ATRNL1: variants seen among roughly 807,000 people sequenced by gnomAD.
The protein encoded by ATRNL1 is attractin-like protein 1.
ATRNL1 carries 95 observed loss-of-function variants against 182.7 expected under a neutral mutation model. The ratio of observed to expected loss-of-function variants is 0.52; its 90% CI spans 0.44 to 0.62. The LOEUF is 0.62. Ranked by LOEUF, ATRNL1 falls within the 20% of genes least tolerant of loss-of-function variation. ATRNL1 has a pLI of 0.00. For synonymous variants in ATRNL1, 576 were observed against 568.3 expected, an observed-to-expected ratio of 1.01 and a Z score of -0.19; for missense variants, 1,471 against 1,679.5, an observed-to-expected ratio of 0.88 and a Z score of 2.17.
At chr10:115,667,461 C>T (rs1861066611) in intron 26 of ATRNL1, among the ~76,000 whole-genome samples, 1 of 152,050 alleles carries the variant, frequency 6.6e-6, no homozygotes, top group Non-Finnish European at 1.5e-5. Context: ...AAGTCAGAAC[C>T]TGTCTGGCAT....
chr10:115,703,983 G>GA (rs1946819668), intron 26 of ATRNL1, among the ~76,000 whole-genome samples: 1 of 151,720 alleles, frequency 6.6e-6, no homozygotes, highest in South Asian at 2.1e-4. Flanking sequence ...ACTGACTGTG[G>GA]AAAAAAATGA....
At chr10:115,362,458 T>A (rs912838245) in intron 19 of ATRNL1, among the ~76,000 whole-genome samples, 1 of 152,096 alleles carries the variant, frequency 6.6e-6, no homozygotes, top group African/African-American at 2.4e-5. Flanking sequence ...AACATACTTA[T>A]GATTTTTTGT....
intron 25 of ATRNL1, among the ~76,000 whole-genome samples, chr10:115,519,671 T>G (rs1476880074): frequency 3.3e-5 from 5 of 152,124 alleles, no homozygotes; most frequent in African/African-American, 1.2e-4. Flanking sequence ...CTAAACCAAT[T>G]TGTTTATTTC....
At chr10:115,175,591 G>C (rs1299350497) in intron 8 of ATRNL1, among the ~76,000 whole-genome samples, 10 of 151,984 alleles carry the variant, frequency 6.6e-5, no homozygotes, top group African/African-American at 2.4e-4. Flanking sequence ...GATGAAAATG[G>C]GAAGAATACA....
At chr10:115,549,965 T>C (rs1554995123) in intron 26 of ATRNL1, among the ~76,000 whole-genome samples, 1 of 151,924 alleles carries the variant, frequency 6.6e-6, no homozygotes, top group Non-Finnish European at 1.5e-5. Flanking sequence ...AACATTCTTT[T>C]TTTGGGAATC....
chr10:115,109,870 G>A (rs546961455), intron 1 of ATRNL1, among the ~76,000 whole-genome samples: 1 of 152,256 alleles, frequency 6.6e-6, no homozygotes, highest in South Asian at 2.1e-4. Context: ...AAGATGTACA[G>A]TTCACTTATG....
chr10:115,889,622 AGCAATTCT>A (rs1176252758), intron 28 of ATRNL1, among the ~76,000 whole-genome samples: 2 of 152,334 alleles, frequency 1.3e-5, no homozygotes, highest in African/African-American at 4.8e-5. Context: ...TCATTCTTTC[AGCAATTCT>A]GCAGTACAGG....
chr10:115,779,060 T>C (rs1949199081), intron 27 of ATRNL1, among the ~76,000 whole-genome samples: 2 of 152,174 alleles, frequency 1.3e-5, no homozygotes, highest in South Asian at 4.1e-4. Flanking sequence ...CTAGAAACAG[T>C]ATTCCTTTTG....
At chr10:115,260,792 G>A (rs536666523) in intron 10 of ATRNL1, among the ~76,000 whole-genome samples, 17 of 152,148 alleles carry the variant, frequency 1.1e-4, no homozygotes, top group Middle Eastern at 3.4e-3. Context: ...ATGATTTGAA[G>A]ATAAAGTGAA....
At chr10:115,554,787 A>G (rs1554996593) in intron 26 of ATRNL1, among the ~76,000 whole-genome samples, 1 of 151,684 alleles carries the variant, frequency 6.6e-6, no homozygotes. Context: ...TAATTTCAAA[A>G]AAACCCCTAA....
At chr10:115,663,538 CATAT>C (rs1860823397) in intron 26 of ATRNL1, among the ~76,000 whole-genome samples, 1 of 151,622 alleles carries the variant, frequency 6.6e-6, no homozygotes, top group Non-Finnish European at 1.5e-5. Context: ...AAAAGGATGA[CATAT>C]ATGAGTAAAA....
At chr10:115,483,446 C>A (rs1166010119) in intron 24 of ATRNL1, among the ~76,000 whole-genome samples, 2 of 151,358 alleles carry the variant, frequency 1.3e-5, no homozygotes, top group Admixed American at 6.6e-5. Context: ...TTATTTAATT[C>A]TTTCATTCCT....
Position 115,924,370 on chromosome 10 carries a change from T to A in ATRNL1, c.4019-20288T>A, listed in dbSNP as rs565293802. Among the ~76,000 whole-genome samples, 7 of 152,356 alleles carry A rather than the reference T, an allele frequency of 4.6e-5. No individual in the cohort carries two copies. The South Asian group carries it at 1.4e-3, about 32-fold the overall frequency. Reference sequence around the variant, plus strand: ...TTGCCTAGGTTTTCTAGGGTTTTTTTAATGGATTGGGGTTTTACATTTAAC... The same window carrying A: ...TTGCCTAGGTTTTCTAGGGTTTTTTAAATGGATTGGGGTTTTACATTTAAC... On this transcript the variant is annotated intron_variant, in intron 28 of 28. Transcript: ENST00000355044.
intron 24 of ATRNL1, among the ~76,000 whole-genome samples, chr10:115,486,979 A>G (rs1554975307): frequency 6.6e-6 from 1 of 152,176 alleles, no homozygotes; most frequent in South Asian, 2.1e-4. Flanking sequence ...TCCCAATAAC[A>G]TTTATTAAAC....
intron 10 of ATRNL1, among the ~76,000 whole-genome samples, chr10:115,247,642 AT>A (rs1385258769): frequency 2.9e-4 from 44 of 152,332 alleles, no homozygotes; most frequent in African/African-American, 9.9e-4. Context: ...AAATAGAACT[AT>A]TATACGATCC....
At chr10:115,741,184 TA>T (rs1174768350) in intron 27 of ATRNL1, among the ~76,000 whole-genome samples, 2 of 152,038 alleles carry the variant, frequency 1.3e-5, no homozygotes, top group African/African-American at 4.8e-5. Context: ...ATACCTCTAA[TA>T]AAAATATGTT....
chr10:115,716,536 C>A (rs1399071337), intron 26 of ATRNL1, among the ~76,000 whole-genome samples: 1 of 152,130 alleles, frequency 6.6e-6, no homozygotes, highest in Admixed American at 6.6e-5. Flanking sequence ...AACCTAGAAG[C>A]TAGCATGTTG....
intron 25 of ATRNL1, among the ~76,000 whole-genome samples, chr10:115,535,499 A>G (rs1006723568): frequency 4.7e-5 from 7 of 150,172 alleles, no homozygotes; most frequent in Non-Finnish European, 8.9e-5. Flanking sequence ...TATTCTAGTT[A>G]TACATTAGTC....
At chr10:115,531,866 C>A (rs1386711866) in intron 25 of ATRNL1, among the ~76,000 whole-genome samples, 9 of 144,360 alleles carry the variant, frequency 6.2e-5, no homozygotes, top group Non-Finnish European at 7.9e-5. Flanking sequence ...GTTTTCCCAG[C>A]ACCATTTATT....
Sources: gnomAD v4.1 joint callset for allele counts (sites outside exome capture counted in the v4.1 genomes callset) on GRCh38, gnomAD v4.1.1 for gene constraint, MANE v1.5 for transcripts, NCBI Gene and HGNC (gene_info 2026-07-23, HGNC 2026-07-21) for gene names.